BIRC6: variants seen among roughly 807,000 people sequenced by gnomAD.
BIRC6 encodes the protein baculoviral IAP repeat containing 6, also known as dual E2 ubiquitin-conjugating enzyme/E3 ubiquitin-protein ligase BIRC6.
A neutral mutation model predicts 503.3 loss-of-function variants in BIRC6; 98 were observed. That is an observed-to-expected ratio of 0.19 (90% confidence interval 0.17 to 0.23). The LOEUF (loss-of-function observed/expected upper bound fraction) is 0.23. Among genes scored for constraint, BIRC6 ranks in the 10% least tolerant of loss-of-function variants. BIRC6 has a pLI of 1.00. For missense variants in BIRC6, 5,360 were observed against 5,806.0 expected (o/e 0.92, Z 2.50); for synonymous variants, 2,240 against 2,078.7 (o/e 1.08, Z -2.11).
chr2:32,426,171 A>G (rs2043467800), intron 10 of BIRC6, among the ~76,000 whole-genome samples: 1 of 152,170 alleles, frequency 6.6e-6, no homozygotes, highest in Admixed American at 6.5e-5. Flanking sequence ...TTCTGATACT[A>G]CTTTTTTTTG....
chr2:32,503,091 T>C lies in BIRC6; in HGVS notation c.9354T>C (p.Ile3118=). ...ATATGGTTACTAGTACAAGGGCTAT[T>C]GTGAACACTGCAAGAAGTATGGTAT... ...CNNMVTSTRA[I]VNTARSMVST... The change falls in exon 49 of 74, where the codon ATT becomes ATC. Residue 3118 remains isoleucine, a synonymous_variant. Coordinates refer to ENST00000421745, the MANE Select transcript of BIRC6 (RefSeq NM_016252.4). 6.2e-7 allele frequency: 1 copy of C among 1,610,746 alleles called. No individual in the cohort carries two copies.
In BIRC6 at chr2:32,468,067, G is replaced by A; in HGVS notation, c.5736G>A (p.Gln1912=). ...CTGCAAACCAGCCAGAAATTGACCA[G>A]CATTTAGCAATGATGGTTGCTTTGC... ...GESANQPEID[Q]HLAMMVALQE... The change falls in exon 28 of 74, where the codon CAG becomes CAA. Residue 1912 remains glutamine (Q), a synonymous_variant. Transcript: ENST00000421745. The A allele has an allele frequency of 6.2e-7, 1 of 1,613,936 alleles. No individual in the cohort carries two copies. Among genetic ancestry groups the A allele is most frequent in the Non-Finnish European group, 8.5e-7 (1 of 1,179,872 alleles).
chr2:32,569,435 C>T (rs1459315411), intron 65 of BIRC6, among the ~76,000 whole-genome samples: 1 of 152,184 alleles, frequency 6.6e-6, no homozygotes, highest in Non-Finnish European at 1.5e-5. Context: ...GTAGTGCTAT[C>T]AGAGCTCACT....
intron 68 of BIRC6, among the ~76,000 whole-genome samples, chr2:32,597,166 C>G (rs755253578): frequency 5.9e-5 from 9 of 152,328 alleles, no homozygotes; most frequent in Admixed American, 1.3e-4. Flanking sequence ...TACTTACTAA[C>G]TGCCTAAAAT....
At chr2:32,460,245 G>GATATATATATATATATATATAT (rs1269564471) in intron 23 of BIRC6, among the ~76,000 whole-genome samples, 3 of 30,984 alleles carry the variant, frequency 9.7e-5, no homozygotes, top group African/African-American at 2.5e-4. Flanking sequence ...TCTCGTATAT[G>GATATATATATATATATATATAT]ATATATATAT....
intron 42 of BIRC6, among the ~76,000 whole-genome samples, chr2:32,489,085 C>T (rs2051365092): frequency 6.6e-6 from 1 of 151,336 alleles, no homozygotes; most frequent in African/African-American, 2.4e-5. Context: ...AGTTAGTCAG[C>T]TGGAGAAGGT....
Position 32,618,048 on chromosome 2 carries a change from A to G in BIRC6, c.*144A>G. ...CCTTAAGGAGATCCAGTTTAATTCA[A>G]GGTGATCTTTTATTTACCTGTACAG... On this transcript the variant is annotated 3_prime_UTR_variant, in exon 74 of 74. Transcript: ENST00000421745. 1 of 825,312 alleles carries G rather than the reference A, an allele frequency of 1.2e-6. No homozygotes were observed. The highest frequency in any genetic ancestry group is 1.8e-6 in the Non-Finnish European group (1 of 556,952). 51.1% of individuals were successfully genotyped at this position (825,312 alleles called of 1,614,324 possible). A position where few individuals can be genotyped will look rare whatever the true frequency, so the allele number is the denominator to read the frequency against.
chr2:32,371,439 A>G (rs2035932832), intron 1 of BIRC6, among the ~76,000 whole-genome samples: 1 of 151,310 alleles, frequency 6.6e-6, no homozygotes, highest in Non-Finnish European at 1.5e-5. Flanking sequence ...CAGCGGTGCA[A>G]TCTCAGCTCA....
intron 21 of BIRC6, among the ~76,000 whole-genome samples, chr2:32,448,533 G>T (rs28445320): frequency 6.7e-6 from 1 of 150,274 alleles, no homozygotes; most frequent in Non-Finnish European, 1.5e-5. Flanking sequence ...CGCCTGCAAT[G>T]GCAGGCACTC....
At chr2:32,461,111 T>C (rs190199085) in intron 23 of BIRC6, among the ~76,000 whole-genome samples, 1 of 8,024 alleles carries the variant, frequency 1.2e-4, no homozygotes, top group Non-Finnish European at 2.4e-4. Context: ...TCCTCTCCTC[T>C]CCTCTCCTCT....
intron 22 of BIRC6, among the ~76,000 whole-genome samples, chr2:32,451,521 C>G (rs1181588653): frequency 6.6e-6 from 1 of 152,102 alleles, no homozygotes; most frequent in Non-Finnish European, 1.5e-5. Context: ...TTAAAATGCC[C>G]TTGACGTTGC....
chr2:32,446,314 T>C (rs2045940127), intron 21 of BIRC6, among the ~76,000 whole-genome samples: 1 of 152,240 alleles, frequency 6.6e-6, no homozygotes, highest in Non-Finnish European at 1.5e-5. Flanking sequence ...GAGTCACTTA[T>C]TGTCCCATAA....
At chr2:32,611,609 T>C in intron 73 of BIRC6, 27 bp downstream of exon 73, 2 of 1,522,866 alleles carry the variant, frequency 1.3e-6, no homozygotes, top group Non-Finnish European at 1.8e-6. Flanking sequence ...AACAGGAGCC[T>C]TGTTGCTTTA....
chr2:32,420,607 G>A (rs2042831693), intron 10 of BIRC6, among the ~76,000 whole-genome samples: 1 of 151,894 alleles, frequency 6.6e-6, no homozygotes, highest in South Asian at 2.1e-4. Context: ...TCTGCCTCCT[G>A]GGTTCAAGTG....
chr2:32,412,169 A>G (rs1247981838), intron 9 of BIRC6, among the ~76,000 whole-genome samples: 1 of 152,156 alleles, frequency 6.6e-6, no homozygotes, highest in African/African-American at 2.4e-5. Context: ...CTGAGACTGT[A>G]CTACTTTTAA....
intron 23 of BIRC6, among the ~76,000 whole-genome samples, chr2:32,462,312 C>T (rs1488201097): frequency 1.3e-5 from 2 of 152,130 alleles, no homozygotes; most frequent in Non-Finnish European, 1.5e-5. Flanking sequence ...GTTTTTATCC[C>T]AGCTTTTCCA....
In BIRC6 at chr2:32,617,908, G is replaced by T; in HGVS notation, c.*4G>T. ...CCCCAGTGACTTCCAGTTATGAGCT[G>T]CATTGATGTGGACTTCATAGACACA... On this transcript the variant is annotated 3_prime_UTR_variant, in exon 74 of 74. Coordinates refer to ENST00000421745, the MANE Select transcript of BIRC6 (RefSeq NM_016252.4). The T allele has an allele frequency of 6.2e-7, 1 of 1,607,848 alleles. No individual in the cohort carries two copies. The highest frequency in any genetic ancestry group is 1.7e-5 in the Admixed American group (1 of 59,642).
chr2:32,443,717 T>G lies in BIRC6; in HGVS notation c.4336+129T>G, dbSNP rs531364953. ...TTTTCTGTGGCTTATCTGTATTTTT[T>G]GAAGGGATCGATAGATTGTAGCTGG... On this transcript the variant is annotated intron_variant, in intron 20 of 73. Coordinates refer to ENST00000421745, the MANE Select transcript of BIRC6 (RefSeq NM_016252.4). 4 of 720,904 alleles carry G rather than the reference T, an allele frequency of 5.5e-6. No individual in the cohort carries two copies. In the African/African-American group the frequency reaches 7.2e-5, roughly 13 times the overall value. The allele number at this position is 720,904 out of a possible 1,614,324, so 44.7% of individuals were successfully genotyped here. A position where few individuals can be genotyped will look rare whatever the true frequency, so the allele number is the denominator to read the frequency against.
rs180856235 is a variant in BIRC6 at position 32,538,372 on chromosome 2, T to G, written c.12292-4869T>G. The stretch of plus-strand genomic sequence containing the variant: ...CTGTCTGTCACCGAGAGGATACAAT[T>G]TACAGTTTTAGTCCTGCTCAGAGAT... On this transcript the variant is annotated intron_variant, in intron 61 of 73. Coordinates refer to ENST00000421745, the MANE Select transcript of BIRC6 (RefSeq NM_016252.4). 3.2e-4 allele frequency among the ~76,000 whole-genome samples: 49 copies of G among 152,304 alleles called. 2 individuals are homozygous for G. The highest frequency in any genetic ancestry group is 3.2e-3 in the Admixed American group (49 of 15,292).
Sources: gnomAD v4.1 joint callset for allele counts (sites outside exome capture counted in the v4.1 genomes callset) on GRCh38, gnomAD v4.1.1 for gene constraint, MANE v1.5 for transcripts, NCBI Gene and HGNC (gene_info 2026-07-23, HGNC 2026-07-21) for gene names.